ASTN2: variants seen among roughly 807,000 people sequenced by gnomAD.
The protein encoded by ASTN2 is astrotactin-2.
A neutral mutation model predicts 139.8 loss-of-function variants in ASTN2; 54 were observed. The observed-to-expected ratio is 0.39, with a 90% CI of 0.31 to 0.48. ASTN2 has a LOEUF of 0.48. Ranked by LOEUF, ASTN2 falls within the 20% of genes least tolerant of loss-of-function variation. The pLI is 0.95. For missense variants in ASTN2, 1,565 were observed against 1,725.1 expected (o/e 0.91, Z 1.64); for synonymous variants, 756 against 719.5 (o/e 1.05, Z -0.81).
Position 117,414,668 on chromosome 9 carries a change from C to T in ASTN2, c.271G>A (p.Gly91Arg). The T allele has an allele frequency of 7.9e-7, 1 of 1,262,552 alleles. No individual in the cohort carries two copies. Among genetic ancestry groups the T allele is most frequent in the Non-Finnish European group, 9.9e-7 (1 of 1,008,670 alleles). 78.2% of individuals were successfully genotyped at this position (1,262,552 alleles called of 1,614,324 possible). ...IGWSGARAGA[G>R]AGTGAGAAAA... Reference sequence around the variant, plus strand: ...GCGGCTCCGGCCCCGGTCCCAGCCCCGGCCCCGGCGCGGGCGCCGCTCCAG... The same window carrying T: ...GCGGCTCCGGCCCCGGTCCCAGCCCTGGCCCCGGCGCGGGCGCCGCTCCAG... Residue 91 changes from glycine to arginine, a missense_variant, in exon 1 of 23, where the codon GGG (glycine) becomes AGG (arginine). Gly to Arg is a moderately radical substitution (Grantham distance 125). This residue lies in a region of ASTN2 where 596 missense variants were observed against 576.8 expected (regional missense o/e 1.03). Transcript: ENST00000313400. The surrounding 1 kb of genome is among the most constrained non-coding windows in gnomAD (Gnocchi z 4.2).
chr9:116,662,920 G>GTCAT (rs1166215918), intron 16 of ASTN2, among the ~76,000 whole-genome samples: 14 of 152,148 alleles, frequency 9.2e-5, no homozygotes, highest in Non-Finnish European at 1.8e-4. Flanking sequence ...GCAGTCGAAG[G>GTCAT]TCATTAGGCA....
intron 1 of ASTN2, among the ~76,000 whole-genome samples, chr9:117,382,416 T>C (rs1830297037): frequency 6.6e-6 from 1 of 152,210 alleles, no homozygotes; most frequent in South Asian, 2.1e-4. Context: ...TATATCCATG[T>C]TTCTTTTTAT....
At chr9:117,041,938 C>T (rs868864893) in intron 5 of ASTN2, among the ~76,000 whole-genome samples, 4 of 152,052 alleles carry the variant, frequency 2.6e-5, no homozygotes, top group Non-Finnish European at 4.4e-5. Context: ...CATTGTGTTT[C>T]CCCTCATACC....
chr9:117,220,413 TCTCA>T (rs1290587642), intron 2 of ASTN2, among the ~76,000 whole-genome samples: 1 of 152,098 alleles, frequency 6.6e-6, no homozygotes, highest in Non-Finnish European at 1.5e-5. Context: ...TGAAGCACCC[TCTCA>T]CTCACTCGAC....
chr9:116,851,717 G>A (rs1353903822), intron 11 of ASTN2, among the ~76,000 whole-genome samples: 1 of 151,776 alleles, frequency 6.6e-6, no homozygotes, highest in East Asian at 1.9e-4. Context: ...ACCTAAATAA[G>A]GCAACAACAA....
rs144272107 is a variant in ASTN2, at chr9:117,136,098, A to G, written c.1168+5228T>C. Among the ~76,000 whole-genome samples, 25 of 152,356 alleles carry G rather than the reference A, an allele frequency of 1.6e-4. No individual in the cohort carries two copies. The East Asian group carries it at 3.1e-3, about 19-fold the overall frequency. On this transcript the variant is annotated intron_variant, in intron 4 of 22. Coordinates refer to ENST00000313400, the MANE Select transcript of ASTN2 (RefSeq NM_001365068.1). ...CTGTGAGGTAATAATACCGATAAAA[A>G]TAAGACTAATAATCATAGCAATGAT... is the stretch of plus-strand genomic sequence containing the variant.
chr9:117,070,249 T>G (rs1385588195), intron 5 of ASTN2, among the ~76,000 whole-genome samples: 4 of 133,162 alleles, frequency 3.0e-5, no homozygotes, highest in Admixed American at 1.6e-4. Flanking sequence ...TAAAGTATTT[T>G]ATTTCTCCTT....
chr9:116,726,756 C>T (rs1213295720), intron 15 of ASTN2, among the ~76,000 whole-genome samples: 4 of 152,124 alleles, frequency 2.6e-5, no homozygotes, highest in Admixed American at 1.3e-4. Context: ...AGCAGTCACT[C>T]AGTAAAAACT....
At chr9:116,917,743 T>C (rs141701692) in intron 10 of ASTN2, among the ~76,000 whole-genome samples, 4 of 152,318 alleles carry the variant, frequency 2.6e-5, no homozygotes, top group African/African-American at 9.6e-5. Flanking sequence ...GATCATGTAA[T>C]TGGTTAATTA....
chr9:116,762,093 G>T (rs1340198143), intron 13 of ASTN2, among the ~76,000 whole-genome samples: 1 of 152,168 alleles, frequency 6.6e-6, no homozygotes, highest in Non-Finnish European at 1.5e-5. Flanking sequence ...GAACTAATGA[G>T]ATAATTTGTG....
rs911525223 is a variant in ASTN2, at chr9:116,514,341, G to A, written c.3356-26841C>T. Among the ~76,000 whole-genome samples the A allele has an allele frequency of 4.6e-5, 7 of 150,556 alleles. No homozygotes were observed. The South Asian group carries it at 6.3e-4, about 14-fold the overall frequency. On this transcript the variant is annotated intron_variant, in intron 19 of 22. Coordinates refer to ENST00000313400, the MANE Select transcript of ASTN2 (RefSeq NM_001365068.1). Reference sequence around the variant, plus strand: ...AATATTGCTGAACAGCAAATGTTGCGGCCTGATCGTTCCTCTGGAATTTTC... The same window carrying A: ...AATATTGCTGAACAGCAAATGTTGCAGCCTGATCGTTCCTCTGGAATTTTC...
intron 19 of ASTN2, chr9:116,568,675 G>T (rs138781513): frequency 6.6e-6 from 1 of 152,258 alleles, no homozygotes; most frequent in Non-Finnish European, 1.5e-5. Flanking sequence ...TCCTGAGTCT[G>T]GTCCCTCTCT....
At chr9:116,934,866 AC>A (rs1232678821) in intron 10 of ASTN2, among the ~76,000 whole-genome samples, 1 of 151,780 alleles carries the variant, frequency 6.6e-6, no homozygotes, top group Admixed American at 6.6e-5. Context: ...ATGTTTATAT[AC>A]CCCCCTGTCC....
chr9:116,911,922 C>T (rs1172839095), intron 10 of ASTN2, among the ~76,000 whole-genome samples: 1 of 151,962 alleles, frequency 6.6e-6, no homozygotes, highest in African/African-American at 2.4e-5. Context: ...CAAACAAAAC[C>T]TCTGTGTATT....
intron 20 of ASTN2, among the ~76,000 whole-genome samples, chr9:116,466,857 G>A (rs980796412): frequency 2.0e-5 from 3 of 152,100 alleles, no homozygotes; most frequent in Admixed American, 1.3e-4. Flanking sequence ...TCTGTAGAAT[G>A]GGGATAATAA....
intron 16 of ASTN2, among the ~76,000 whole-genome samples, chr9:116,716,676 G>A (rs890351705): frequency 6.6e-6 from 1 of 152,128 alleles, no homozygotes; most frequent in African/African-American, 2.4e-5. Flanking sequence ...TGATTGCAAT[G>A]GGCACATAAA....
intron 4 of ASTN2, among the ~76,000 whole-genome samples, chr9:117,123,144 C>T (rs1030554318): frequency 6.6e-6 from 1 of 152,078 alleles, no homozygotes; most frequent in African/African-American, 2.4e-5. Flanking sequence ...CTCCACCCTA[C>T]AGTGGCAGGG....
At chr9:117,381,446 T>G (rs987984718) in intron 1 of ASTN2, among the ~76,000 whole-genome samples, 16 of 152,172 alleles carry the variant, frequency 1.1e-4, no homozygotes, top group African/African-American at 3.9e-4. Context: ...GGTGGATTTC[T>G]CATGAATGGT....
chr9:116,954,664 T>TAA lies in ASTN2; in HGVS notation c.1889+20542_1889+20543dup, dbSNP rs11380979. ...TATGTTCCAATAAAACTTTATTTAT[T>TAA]AAAAAAAAACAGGTGATGGGCCAAA... On this transcript the variant is annotated intron_variant, in intron 10 of 22. Coordinates refer to ENST00000313400, the MANE Select transcript of ASTN2 (RefSeq NM_001365068.1). Among the ~76,000 whole-genome samples, 154 of 151,642 alleles carry TAA rather than the reference T, an allele frequency of 1.0e-3. 1 individual carries two copies. Among genetic ancestry groups the TAA allele is most frequent in the Middle Eastern group, 3.4e-3 (1 of 294 alleles).
Sources: gnomAD v4.1 joint callset for allele counts (sites outside exome capture counted in the v4.1 genomes callset) on GRCh38, gnomAD v4.1.1 for gene constraint, gnomAD v4.1.1 regional missense constraint, Gnocchi (gnomAD v3.1) non-coding constraint, MANE v1.5 for transcripts, NCBI Gene and HGNC (gene_info 2026-07-23, HGNC 2026-07-21) for gene names.